CNKSR3: variants seen among roughly 807,000 people sequenced by gnomAD.
CNKSR3 encodes CNKSR family member 3.
In CNKSR3, 36 loss-of-function variants were observed where a neutral mutation model predicts 67.7. The observed-to-expected ratio is 0.53, with a 90% CI of 0.41 to 0.70. The LOEUF (loss-of-function observed/expected upper bound fraction) is 0.70. CNKSR3 is among the 30% of genes least tolerant of loss of function. The pLI is 0.00. For synonymous variants in CNKSR3, 281 were observed against 271.4 expected (o/e 1.04, Z -0.35); for missense variants, 630 against 695.2 (o/e 0.91, Z 1.05).
chr6:154,443,545 G>A (rs1302044237), intron 2 of CNKSR3, among the ~76,000 whole-genome samples: 1 of 151,902 alleles, frequency 6.6e-6, no homozygotes, highest in Non-Finnish European at 1.5e-5. Context: ...ACTGGGACGT[G>A]AGGGCTGCAG....
chr6:154,412,989 T>C (rs1784940092), intron 10 of CNKSR3, among the ~76,000 whole-genome samples: 1 of 152,086 alleles, frequency 6.6e-6, no homozygotes. Context: ...GATTGTCTAG[T>C]TTTATCAACA....
rs67203207 is a variant in CNKSR3, at chr6:154,394,614, TAAAAAAAAAAA to T, written c.*11729_*11739del. 1.5e-5 allele frequency: 1 copy of T among 67,778 alleles called. No individual in the cohort carries two copies. The highest frequency in any genetic ancestry group is 5.5e-5 in the African/African-American group (1 of 18,320). 4.2% of individuals were successfully genotyped at this position (67,778 alleles called of 1,614,324 possible). On this transcript the variant is annotated 3_prime_UTR_variant, in exon 13 of 13. Transcript: ENST00000607772. ...TATAGCATGAGCCTAATACAAGAAG[TAAAAAAAAAAA>T]AAAAAAAAAAGAAGAATTCCAAAGG...
At chr6:154,413,776 C>G (rs891824666) in intron 10 of CNKSR3, among the ~76,000 whole-genome samples, 8 of 152,030 alleles carry the variant, frequency 5.3e-5, no homozygotes, top group African/African-American at 1.9e-4. Context: ...GAGACAGGGT[C>G]TCGCTCTGTC....
chr6:154,390,516 A>C lies in CNKSR3; in HGVS notation c.*15838T>G, dbSNP rs544739257. The C allele has an allele frequency of 2.0e-5, 3 of 152,274 alleles. No individual in the cohort carries two copies. Among genetic ancestry groups the C allele is most frequent in the East Asian group, 3.9e-4 (2 of 5,184 alleles). 9.4% of individuals were successfully genotyped at this position (152,274 alleles called of 1,614,324 possible). ...GGAAATGGGAGGCTCCCAGAGGATA[A>C]ATTTCTTCTTCCCTTCCTCTCGTCT... On this transcript the variant is annotated 3_prime_UTR_variant, in exon 13 of 13. Transcript: ENST00000607772.
chr6:154,482,374 C>T lies in CNKSR3; in HGVS notation c.52+27689G>A, dbSNP rs552947709. Reference sequence around the variant, plus strand: ...AGGTGCAAGCCAGCCTGCCACAAAACATCCTAAATCCACCATCCAGTCCCA... The same window carrying T: ...AGGTGCAAGCCAGCCTGCCACAAAATATCCTAAATCCACCATCCAGTCCCA... On this transcript the variant is annotated intron_variant, in intron 1 of 12. Transcript: ENST00000607772. 1.3e-4 allele frequency among the ~76,000 whole-genome samples: 20 copies of T among 152,312 alleles called. No individual in the cohort carries two copies. In the South Asian group the frequency reaches 4.1e-3, roughly 32 times the overall value.
At chr6:154,461,308 G>A (rs1340926032) in intron 1 of CNKSR3, among the ~76,000 whole-genome samples, 3 of 152,198 alleles carry the variant, frequency 2.0e-5, no homozygotes, top group Non-Finnish European at 4.4e-5. Context: ...ATAAGTGGAG[G>A]GGAAGACAGT....
At chr6:154,467,166 A>AC (rs1786220949) in intron 1 of CNKSR3, among the ~76,000 whole-genome samples, 1 of 152,078 alleles carries the variant, frequency 6.6e-6, no homozygotes, top group East Asian at 1.9e-4. Flanking sequence ...CCATGGAACC[A>AC]CCGACCGCAT....
Position 154,505,507 on chromosome 6 carries a change from T to A in CNKSR3, c.52+4556A>T, listed in dbSNP as rs1383540104. 5.4e-3 allele frequency among the ~76,000 whole-genome samples: 804 copies of A among 149,146 alleles called. 7 individuals are homozygous for A. Among genetic ancestry groups the A allele is most frequent in the African/African-American group, 0.018 (754 of 40,948 alleles). On this transcript the variant is annotated intron_variant, in intron 1 of 12. Coordinates refer to ENST00000607772, the MANE Select transcript of CNKSR3 (RefSeq NM_173515.4). ...TTATTATTATTATTATTTTTTTTTT[T>A]TTTTTTTTGAGACAGAGTCTCACTC...
chr6:154,406,982 C>G (rs1001106705), intron 12 of CNKSR3, among the ~76,000 whole-genome samples: 1 of 151,896 alleles, frequency 6.6e-6, no homozygotes, highest in Non-Finnish European at 1.5e-5. Flanking sequence ...AATCACAATC[C>G]CCTACACAGT....
intron 1 of CNKSR3, among the ~76,000 whole-genome samples, chr6:154,476,678 C>T (rs147558575): frequency 2.0e-5 from 3 of 152,078 alleles, no homozygotes; most frequent in Non-Finnish European, 2.9e-5. Context: ...AGTAGTCATA[C>T]GAGTATCGGT....
At position 154,510,129 on chromosome 6, in the gene CNKSR3, C is replaced by T. The variant is rs1787185830; in HGVS notation, c.-15G>A. On this transcript the variant is annotated 5_prime_UTR_variant, in exon 1 of 13. Coordinates refer to ENST00000607772, the MANE Select transcript of CNKSR3 (RefSeq NM_173515.4). ...ACGGGTTCCATGGTAAACCGCTTCGCCTCTCGCTGGGCTGGAGAGTCGCAG... is the reference window on the plus strand; with the variant it reads ...ACGGGTTCCATGGTAAACCGCTTCGTCTCTCGCTGGGCTGGAGAGTCGCAG... 1.2e-6 allele frequency: 2 copies of T among 1,613,994 alleles called. No homozygotes were observed. The highest frequency in any genetic ancestry group is 8.5e-7 in the Non-Finnish European group (1 of 1,179,980).
At chr6:154,479,627 G>A (rs1786525956) in intron 1 of CNKSR3, among the ~76,000 whole-genome samples, 1 of 152,212 alleles carries the variant, frequency 6.6e-6, no homozygotes, top group East Asian at 1.9e-4. Flanking sequence ...TGCACACATC[G>A]AGGCCCCCCA....
chr6:154,442,425 A>C (rs1389405739), intron 2 of CNKSR3, 135 bp from the exon 3 acceptor site: 2 of 681,150 alleles, frequency 2.9e-6, no homozygotes, highest in Non-Finnish European at 4.9e-6. Flanking sequence ...GATCGAGGCC[A>C]TCCTGGCTAA....
chr6:154,429,962 C>T (rs994850687), intron 6 of CNKSR3, among the ~76,000 whole-genome samples: 6 of 152,308 alleles, frequency 3.9e-5, no homozygotes, highest in African/African-American at 7.2e-5. Flanking sequence ...AGCTTCTTCA[C>T]GAAAATTTCA....
At chr6:154,428,307 GCCTC>G in intron 6 of CNKSR3, 120 bp from the exon 7 acceptor site, 1 of 683,012 alleles carries the variant, frequency 1.5e-6, no homozygotes, top group Non-Finnish European at 2.6e-6. Context: ...TCATTTTTCA[GCCTC>G]CTGAAACATC....
intron 12 of CNKSR3, among the ~76,000 whole-genome samples, chr6:154,407,663 G>A (rs925153439): frequency 3.9e-5 from 6 of 151,928 alleles, no homozygotes; most frequent in African/African-American, 1.5e-4. Flanking sequence ...ACCACACCCA[G>A]CCGGTCTCGA....
At chr6:154,413,261 G>T (rs1486016849) in intron 10 of CNKSR3, among the ~76,000 whole-genome samples, 3 of 151,732 alleles carry the variant, frequency 2.0e-5, no homozygotes, top group Non-Finnish European at 2.9e-5. Context: ...GTCTCACTCT[G>T]TTGTCCAGGC....
intron 9 of CNKSR3, among the ~76,000 whole-genome samples, chr6:154,420,675 C>T (rs1434565150): frequency 2.4e-4 from 24 of 100,340 alleles, no homozygotes; most frequent in Non-Finnish European, 3.4e-4. Flanking sequence ...GGCGACAGAG[C>T]GAGACTCCGT....
At chr6:154,428,456 T>C (rs1037832054) in intron 6 of CNKSR3, among the ~76,000 whole-genome samples, 3 of 152,228 alleles carry the variant, frequency 2.0e-5, no homozygotes, top group African/African-American at 7.2e-5. Context: ...ACTCCGAGGA[T>C]GTGGGAGTGT....
Sources: allele counts gnomAD v4.1 joint callset (sites outside exome capture counted in the v4.1 genomes callset), GRCh38; gene constraint gnomAD v4.1.1; transcripts MANE v1.5; gene names NCBI Gene and HGNC (gene_info 2026-07-23, HGNC 2026-07-21).